Variants in MUCL1 observed in about 807,000 individuals in gnomAD.
MUCL1 encodes the protein mucin-like protein 1.
In MUCL1, 11 loss-of-function variants were observed where a neutral mutation model predicts 9.2. The observed-to-expected ratio is 1.19, with a 90% CI of 0.75 to 1.97. The LOEUF is 1.97. Among genes scored for constraint, MUCL1 ranks in the 30% most tolerant of loss-of-function variants. The probability of loss-of-function intolerance (pLI) is 0.00; values close to 1 mark genes in which losing one functional copy is unlikely to be tolerated. For missense variants in MUCL1, 144 were observed against 110.9 expected (o/e 1.30, Z -1.34); for synonymous variants, 48 against 40.5 (o/e 1.19, Z -0.71).
intron 3 of MUCL1, among the ~76,000 whole-genome samples, 187 bp downstream of exon 3, chr12:54,857,079 C>T (rs1432969966): frequency 6.6e-6 from 1 of 151,916 alleles, no homozygotes; most frequent in Non-Finnish European, 1.5e-5. Flanking sequence ...TTACCTGACT[C>T]CTAGGTTACC....
intron 1 of MUCL1, among the ~76,000 whole-genome samples, chr12:54,846,753 T>A (rs1039662390): frequency 2.1e-5 from 1 of 48,586 alleles, no homozygotes; most frequent in African/African-American, 5.0e-5. Flanking sequence ...AGAACTTCCC[T>A]TGCTTTTCAT....
upstream of MUCL1, among the ~76,000 whole-genome samples, chr12:54,837,467 C>T (rs1261357435): frequency 6.6e-6 from 1 of 152,026 alleles, no homozygotes; most frequent in African/African-American, 2.4e-5. Context: ...TACCTCAAGT[C>T]TATAAGAATC....
upstream of MUCL1, among the ~76,000 whole-genome samples, chr12:54,853,736 A>G (rs1179708510): frequency 1.3e-5 from 2 of 152,060 alleles, no homozygotes; most frequent in African/African-American, 4.8e-5. Context: ...TTTTTAGTGT[A>G]TGAATTCCTG....
chr12:54,832,092 G>A (rs1281146612), intron 1 of MUCL1, among the ~76,000 whole-genome samples: 1 of 152,052 alleles, frequency 6.6e-6, no homozygotes, highest in African/African-American at 2.4e-5. Flanking sequence ...ATGACTAGTT[G>A]TTCCAGAATG....
intron 1 of MUCL1, among the ~76,000 whole-genome samples, chr12:54,841,579 T>G (rs1592246454): frequency 6.6e-6 from 1 of 152,222 alleles, no homozygotes; most frequent in African/African-American, 2.4e-5. Context: ...TGATTTGCAT[T>G]TTTCTGAAAT....
chr12:54,852,351 C>A (rs1056106689), upstream of MUCL1, among the ~76,000 whole-genome samples: 9 of 152,120 alleles, frequency 5.9e-5, no homozygotes, highest in Non-Finnish European at 1.2e-4. Flanking sequence ...GAAATAATGC[C>A]ACACATCTAC....
At chr12:54,843,724 C>T (rs1218057817) in intron 1 of MUCL1, among the ~76,000 whole-genome samples, 1 of 152,142 alleles carries the variant, frequency 6.6e-6, no homozygotes, top group Non-Finnish European at 1.5e-5. Flanking sequence ...GAGCAGCCTC[C>T]AGAAACTGTA....
At position 54,858,282 on chromosome 12, in the gene MUCL1, A is replaced by C. The variant is rs538619675; in HGVS notation, c.*40A>C. ...GAGTCTTCTGCAATTGGTCACAACT[A>C]TTCATGCTTCCTGTGATTTCATCCA... On this transcript the variant is annotated 3_prime_UTR_variant, in exon 4 of 4. Coordinates refer to ENST00000308796, the MANE Select transcript of MUCL1 (RefSeq NM_058173.3). 2.5e-6 allele frequency: 4 copies of C among 1,611,406 alleles called. No individual in the cohort carries two copies. In the South Asian group the frequency reaches 4.4e-5, roughly 18 times the overall value.
At chr12:54,840,743 T>C (rs758274994) in intron 1 of MUCL1, among the ~76,000 whole-genome samples, 2 of 152,172 alleles carry the variant, frequency 1.3e-5, no homozygotes, top group Non-Finnish European at 2.9e-5. Context: ...TGGCATAATG[T>C]TCCAGGGAGG....
upstream of MUCL1, among the ~76,000 whole-genome samples, chr12:54,839,152 C>T (rs78623411): frequency 0.031 from 4,667 of 151,908 alleles, 251 homozygotes; most frequent in African/African-American, 0.11. Flanking sequence ...TTTATTAGAA[C>T]TTAATTTGGC....
At chr12:54,843,816 A>G (rs1959226268) in intron 1 of MUCL1, among the ~76,000 whole-genome samples, 1 of 152,186 alleles carries the variant, frequency 6.6e-6, no homozygotes, top group African/African-American at 2.4e-5. Flanking sequence ...CCCATTTCAG[A>G]CTTCTGGACT....
chr12:54,856,320 C>A (rs528663369), intron 2 of MUCL1, among the ~76,000 whole-genome samples: 1 of 152,240 alleles, frequency 6.6e-6, no homozygotes, highest in East Asian at 1.9e-4. Flanking sequence ...TCTTAGTCTG[C>A]CTCCTCCTTC....
At chr12:54,845,586 C>G (rs553278895) in intron 1 of MUCL1, among the ~76,000 whole-genome samples, 89 of 152,084 alleles carry the variant, frequency 5.9e-4, no homozygotes, top group African/African-American at 2.1e-3. Flanking sequence ...CTTTTTTGTT[C>G]CAGCTGACTC....
chr12:54,838,269 G>T (rs1325633421), upstream of MUCL1, among the ~76,000 whole-genome samples: 1 of 152,168 alleles, frequency 6.6e-6, no homozygotes, highest in Admixed American at 6.5e-5. Flanking sequence ...AATCCTTTCT[G>T]GTTTGTAAGG....
At chr12:54,858,054 A>G in intron 3 of MUCL1, 139 bp from the exon 4 acceptor site, 1 of 1,035,144 alleles carries the variant, frequency 9.7e-7, no homozygotes, top group Non-Finnish European at 1.4e-6. Context: ...TCTTCCCGTA[A>G]TAACAATCCC....
At chr12:54,842,381 T>G (rs1902091) in intron 1 of MUCL1, among the ~76,000 whole-genome samples, 1 of 152,130 alleles carries the variant, frequency 6.6e-6, no homozygotes, top group African/African-American at 2.4e-5. Context: ...AATTTATTCA[T>G]TTTTAATTGA....
upstream of MUCL1, among the ~76,000 whole-genome samples, chr12:54,834,799 G>C (rs987995266): frequency 6.6e-6 from 1 of 151,762 alleles, no homozygotes; most frequent in African/African-American, 2.4e-5. Flanking sequence ...TGGTTATATG[G>C]ATGAATTGTA....
At chr12:54,846,669 TAG>T (rs1376904563) in intron 1 of MUCL1, among the ~76,000 whole-genome samples, 1 of 148,178 alleles carries the variant, frequency 6.7e-6, no homozygotes, top group Admixed American at 6.8e-5. Flanking sequence ...GAGCCAGTGG[TAG>T]AGAGAATTTG....
intron 1 of MUCL1, among the ~76,000 whole-genome samples, chr12:54,849,187 C>T (rs961773635): frequency 6.6e-6 from 1 of 152,052 alleles, no homozygotes; most frequent in South Asian, 2.1e-4. Context: ...TGTACAAACA[C>T]AAATATATGG....
Sources: gnomAD v4.1 joint callset for allele counts (sites outside exome capture counted in the v4.1 genomes callset) on GRCh38, gnomAD v4.1.1 for gene constraint, MANE v1.5 for transcripts, NCBI Gene and HGNC (gene_info 2026-07-23, HGNC 2026-07-21) for gene names.